The following SLC9A9 variants were observed in gnomAD, a reference collection of about 807,000 sequenced individuals.
The protein encoded by SLC9A9 is sodium/hydrogen exchanger 9.
A neutral mutation model predicts 77.8 loss-of-function variants in SLC9A9; 62 were observed. The ratio of observed to expected loss-of-function variants is 0.80; its 90% CI spans 0.65 to 0.98. The LOEUF is 0.98. Among genes scored for constraint, SLC9A9 ranks in the 50% least tolerant of loss-of-function variants. The pLI is 0.00. For missense variants in SLC9A9, 775 were observed against 774.9 expected (o/e 1.00, Z 0.00); for synonymous variants, 320 against 283.5 (o/e 1.13, Z -1.29).
chr3:143,409,369 G>T lies in SLC9A9; in HGVS notation c.1470-27255C>A, dbSNP rs188163068. 2.3e-3 allele frequency among the ~76,000 whole-genome samples: 354 copies of T among 152,286 alleles called. 1 individual carries two copies. The highest frequency in any genetic ancestry group is 8.2e-3 in the African/African-American group (339 of 41,548). ...GACACAGCAAGAAGGAGTAACTTGA[G>T]GTCTCCATATTATAAGCACCTCTGA... On this transcript the variant is annotated intron_variant, in intron 12 of 15. Transcript: ENST00000316549.
rs539681592 is a variant in SLC9A9 at position 143,797,987 on chromosome 3, C to T, written c.379-1084G>A. On this transcript the variant is annotated intron_variant, in intron 2 of 15. Transcript: ENST00000316549. ...CAGGGGACCACCCTTGGGAGATCAA[C>T]CCCTGTCCTCCTGCTCTTTGCTCCG... 3.3e-5 allele frequency among the ~76,000 whole-genome samples: 5 copies of T among 152,282 alleles called. No individual in the cohort carries two copies. In the South Asian group the frequency reaches 8.3e-4, roughly 25 times the overall value.
At chr3:143,329,992 ACTG>A (rs1317900937) in intron 14 of SLC9A9, among the ~76,000 whole-genome samples, 1 of 152,020 alleles carries the variant, frequency 6.6e-6, no homozygotes, top group Non-Finnish European at 1.5e-5. Flanking sequence ...TCTTCAAACT[ACTG>A]GAAAAAAAAG....
chr3:143,401,304 T>G (rs2033854891), intron 12 of SLC9A9, among the ~76,000 whole-genome samples: 1 of 152,198 alleles, frequency 6.6e-6, no homozygotes, highest in East Asian at 1.9e-4. Flanking sequence ...TTCTGGTTAA[T>G]ATTCCCATTT....
rs572172853 is a variant in SLC9A9, at chr3:143,479,099, G to A, written c.1316-11909C>T. On this transcript the variant is annotated intron_variant, in intron 11 of 15. Coordinates refer to ENST00000316549, the MANE Select transcript of SLC9A9 (RefSeq NM_173653.4). ...TCTGCACCACCTCAATACGTAGGAC[G>A]GTCTGATTATCCACAAGATCTCGCT... 6.9e-4 allele frequency among the ~76,000 whole-genome samples: 105 copies of A among 152,210 alleles called. 3 individuals are homozygous for A. The South Asian group carries it at 0.018, about 26-fold the overall frequency.
intron 5 of SLC9A9, among the ~76,000 whole-genome samples, chr3:143,659,278 A>C (rs962274966): frequency 6.6e-6 from 1 of 152,222 alleles, no homozygotes; most frequent in African/African-American, 2.4e-5. Context: ...CAAACACCAA[A>C]AAAAATCAAC....
intron 5 of SLC9A9, among the ~76,000 whole-genome samples, chr3:143,672,436 A>G (rs995533362): frequency 6.6e-6 from 1 of 152,242 alleles, no homozygotes; most frequent in Non-Finnish European, 1.5e-5. Context: ...GCATGATCAG[A>G]GAAACTGAAG....
At chr3:143,815,330 T>C (rs553037892) in intron 2 of SLC9A9, among the ~76,000 whole-genome samples, 10 of 152,192 alleles carry the variant, frequency 6.6e-5, no homozygotes, top group African/African-American at 2.4e-4. Flanking sequence ...GTCAAAGAAA[T>C]GGGTCAGACT....
At chr3:143,350,863 T>G (rs2032434225) in intron 14 of SLC9A9, among the ~76,000 whole-genome samples, 1 of 152,194 alleles carries the variant, frequency 6.6e-6, no homozygotes, top group African/African-American at 2.4e-5. Flanking sequence ...TGGCCTTTAC[T>G]CCAGCTCCCT....
chr3:143,768,284 CTTG>C (rs759542682), intron 4 of SLC9A9, among the ~76,000 whole-genome samples: 16 of 152,138 alleles, frequency 1.1e-4, no homozygotes, highest in African/African-American at 1.9e-4. Context: ...AAGAATACCA[CTTG>C]TTAAGGGGGC....
At chr3:143,636,874 T>C (rs1439900023) in intron 6 of SLC9A9, among the ~76,000 whole-genome samples, 2 of 152,106 alleles carry the variant, frequency 1.3e-5, no homozygotes, top group African/African-American at 4.8e-5. Context: ...AGGCTATCTA[T>C]AACCAAGGAA....
intron 12 of SLC9A9, among the ~76,000 whole-genome samples, chr3:143,399,231 G>T (rs1039048657): frequency 6.6e-6 from 1 of 152,120 alleles, no homozygotes; most frequent in African/African-American, 2.4e-5. Context: ...AGCTGCTACT[G>T]CATGACACAT....
intron 11 of SLC9A9, among the ~76,000 whole-genome samples, chr3:143,489,381 C>T (rs1416036280): frequency 1.3e-5 from 2 of 151,918 alleles, no homozygotes; most frequent in African/African-American, 4.8e-5. Flanking sequence ...ATAGTAAAAC[C>T]TATCCTCAAA....
intron 11 of SLC9A9, among the ~76,000 whole-genome samples, chr3:143,481,727 C>T (rs2035577460): frequency 6.6e-6 from 1 of 152,184 alleles, no homozygotes; most frequent in African/African-American, 2.4e-5. Flanking sequence ...GCCATAGCTG[C>T]TGGCCTAAGG....
At chr3:143,751,304 G>T (rs2108824835) in intron 4 of SLC9A9, among the ~76,000 whole-genome samples, 1 of 152,298 alleles carries the variant, frequency 6.6e-6, no homozygotes, top group Non-Finnish European at 1.5e-5. Flanking sequence ...AATTGTTGGT[G>T]GTGGATGATA....
intron 5 of SLC9A9, chr3:143,655,430 T>G: frequency 1.0e-6 from 1 of 973,802 alleles, no homozygotes. Context: ...GGGGAAAAGA[T>G]GCAATCCGAT....
At chr3:143,269,011 C>T (rs2108395793) in intron 14 of SLC9A9, 31 bp from the exon 15 acceptor site, 1 of 1,501,576 alleles carries the variant, frequency 6.7e-7, no homozygotes, top group East Asian at 2.3e-5. Flanking sequence ...TACTTGTCAA[C>T]AGGGAGTTAG....
intron 4 of SLC9A9, among the ~76,000 whole-genome samples, chr3:143,734,495 G>A (rs951111392): frequency 6.6e-6 from 1 of 152,124 alleles, no homozygotes; most frequent in Non-Finnish European, 1.5e-5. Flanking sequence ...CAGCAGTTTG[G>A]GAGGCCGAGG....
intron 12 of SLC9A9, among the ~76,000 whole-genome samples, chr3:143,453,698 A>G (rs2035044104): frequency 6.6e-6 from 1 of 152,216 alleles, no homozygotes; most frequent in Non-Finnish European, 1.5e-5. Flanking sequence ...ATTAACATGT[A>G]TCTTTTCCCA....
intron 4 of SLC9A9, among the ~76,000 whole-genome samples, chr3:143,714,777 G>A (rs967076088): frequency 6.6e-6 from 1 of 152,200 alleles, no homozygotes; most frequent in Non-Finnish European, 1.5e-5. Context: ...ATCAATGGAG[G>A]TGAAGGGGCA....
Sources: allele counts gnomAD v4.1 joint callset (sites outside exome capture counted in the v4.1 genomes callset), GRCh38; gene constraint gnomAD v4.1.1; transcripts MANE v1.5; gene names NCBI Gene and HGNC (gene_info 2026-07-23, HGNC 2026-07-21).